The following TAFA2 variants were observed in gnomAD, a reference collection of about 807,000 sequenced individuals.
TAFA2 encodes TAFA chemokine like family member 2, also known as chemokine-like protein TAFA-2.
In TAFA2, 7 loss-of-function variants were observed where a neutral mutation model predicts 18.8. That is an observed-to-expected ratio of 0.37 (90% CI 0.21 to 0.70). The LOEUF is 0.70. Among genes scored for constraint, TAFA2 ranks in the 30% least tolerant of loss-of-function variants. The pLI, the probability that TAFA2 is intolerant of heterozygous loss-of-function variation, is 0.53. For missense variants in TAFA2, 122 were observed against 158.1 expected (o/e 0.77, Z 1.23); for synonymous variants, 60 against 54.2 (o/e 1.11, Z -0.47).
intron 4 of TAFA2, among the ~76,000 whole-genome samples, chr12:61,711,116 C>A (rs1869386068): frequency 6.6e-6 from 1 of 151,930 alleles, no homozygotes; most frequent in Non-Finnish European, 1.5e-5. Context: ...ATACTAACTT[C>A]ACACCTACTA....
chr12:61,899,112 T>C (rs1296452552), intron 1 of TAFA2, among the ~76,000 whole-genome samples: 1 of 152,186 alleles, frequency 6.6e-6, no homozygotes, highest in Admixed American at 6.5e-5. Context: ...CTGGACTTCA[T>C]TGTCCATACC....
intron 1 of TAFA2, among the ~76,000 whole-genome samples, chr12:62,175,040 T>C (rs538890543): frequency 1.3e-5 from 2 of 152,286 alleles, no homozygotes; most frequent in East Asian, 1.9e-4. Context: ...AATTAATAAG[T>C]GTATTGATGA....
chr12:61,872,610 A>T (rs991903640), intron 1 of TAFA2, among the ~76,000 whole-genome samples: 31 of 152,234 alleles, frequency 2.0e-4, no homozygotes, highest in Admixed American at 2.0e-3. Context: ...AAAAAAACCA[A>T]CATCATCTTC....
At chr12:62,239,744 A>G (rs552116471) in intron 1 of TAFA2, among the ~76,000 whole-genome samples, 5 of 152,304 alleles carry the variant, frequency 3.3e-5, no homozygotes, top group Admixed American at 3.3e-4. Flanking sequence ...TAACCATCAG[A>G]TATGTGACCG....
intron 2 of TAFA2, among the ~76,000 whole-genome samples, chr12:61,812,011 T>G (rs1319294150): frequency 6.6e-6 from 1 of 151,288 alleles, no homozygotes; most frequent in Non-Finnish European, 1.5e-5. Flanking sequence ...CTATGTGGTA[T>G]ATTGTAAGAG....
At position 62,091,193 on chromosome 12, in the gene TAFA2, A is replaced by G. The variant is rs972738690; in HGVS notation, c.-2+100066T>C. 2.0e-5 allele frequency among the ~76,000 whole-genome samples: 3 copies of G among 151,946 alleles called. No individual in the cohort carries two copies. In the East Asian group the frequency reaches 5.8e-4, roughly 29 times the overall value. ...TTCATCTAAGTAGTTGTCTGCAGCC[A>G]TTCCAGTCCACAGTGAATTTTTTCT... On this transcript the variant is annotated intron_variant, in intron 1 of 4. Transcript: ENST00000416284.
chr12:62,058,907 T>A (rs1303525790), intron 1 of TAFA2, among the ~76,000 whole-genome samples: 1 of 152,044 alleles, frequency 6.6e-6, no homozygotes, highest in Non-Finnish European at 1.5e-5. Flanking sequence ...ATCGAGACTA[T>A]CCTGGCTAAC....
At chr12:61,817,521 C>T (rs1004832144) in intron 2 of TAFA2, among the ~76,000 whole-genome samples, 23 of 152,038 alleles carry the variant, frequency 1.5e-4, no homozygotes, top group Non-Finnish European at 3.2e-4. Context: ...TGATCAATTC[C>T]TAGACAAGAA....
intron 2 of TAFA2, among the ~76,000 whole-genome samples, chr12:61,803,426 T>A (rs552752577): frequency 6.6e-6 from 1 of 152,030 alleles, no homozygotes; most frequent in African/African-American, 2.4e-5. Flanking sequence ...TTATCCAGAT[T>A]CTCTAACCAA....
chr12:61,855,549 T>G (rs1394135582), intron 2 of TAFA2, among the ~76,000 whole-genome samples: 1 of 152,196 alleles, frequency 6.6e-6, no homozygotes, highest in Non-Finnish European at 1.5e-5. Flanking sequence ...ATATGCTCTT[T>G]ATTTAACATG....
intron 1 of TAFA2, chr12:62,252,604 A>G (rs1002335868): frequency 1.3e-5 from 2 of 152,186 alleles, no homozygotes; most frequent in Admixed American, 1.3e-4. Context: ...GGAACACAGC[A>G]ACATATGCTG....
At chr12:62,101,705 C>T (rs1262641286) in intron 1 of TAFA2, among the ~76,000 whole-genome samples, 1 of 152,168 alleles carries the variant, frequency 6.6e-6, no homozygotes, top group Non-Finnish European at 1.5e-5. Context: ...TTTGAGAGCC[C>T]TTTCATTTAT....
intron 1 of TAFA2, among the ~76,000 whole-genome samples, chr12:62,227,414 G>A (rs889239539): frequency 6.6e-6 from 1 of 152,156 alleles, no homozygotes; most frequent in Non-Finnish European, 1.5e-5. Context: ...TCTGGCAGAA[G>A]GGTATTTGTC....
rs530201864 is a variant in TAFA2, at chr12:61,854,117, A to G, written c.106+13203T>C. Among the ~76,000 whole-genome samples, 3 of 152,342 alleles carry G rather than the reference A, an allele frequency of 2.0e-5. No homozygotes were observed. The East Asian group carries it at 5.8e-4, about 29-fold the overall frequency. ...CAATTATTTGAGGAAAGCTTCTAGT[A>G]TAGAAGACAGAAGCCAAAATAGCAA... On this transcript the variant is annotated intron_variant, in intron 2 of 4. Transcript: ENST00000416284.
chr12:61,710,239 A>T lies in TAFA2; in HGVS notation c.*167T>A. 1.6e-6 allele frequency: 1 copy of T among 614,602 alleles called. No individual in the cohort carries two copies. Among genetic ancestry groups the T allele is most frequent in the Non-Finnish European group, 2.9e-6 (1 of 344,744 alleles). The allele number at this position is 614,602 out of a possible 1,614,324, so 38.1% of individuals were successfully genotyped here. A position where few individuals can be genotyped will look rare whatever the true frequency, so the allele number is the denominator to read the frequency against. ...ACATGCAAGTTCATGTCTGACTTTT[A>T]AAAAGTCTTGATTTCAAGAAGAGGC... is the stretch of plus-strand genomic sequence containing the variant. On this transcript the variant is annotated 3_prime_UTR_variant, in exon 5 of 5. Transcript: ENST00000416284.
At chr12:61,946,311 AT>A (rs1878267625) in intron 1 of TAFA2, among the ~76,000 whole-genome samples, 1 of 150,020 alleles carries the variant, frequency 6.7e-6, no homozygotes, top group Non-Finnish European at 1.5e-5. Flanking sequence ...TCAATTCAAG[AT>A]GGATTAAAGA....
intron 1 of TAFA2, among the ~76,000 whole-genome samples, chr12:61,907,248 C>A (rs1041663092): frequency 1.3e-5 from 2 of 152,176 alleles, no homozygotes; most frequent in African/African-American, 4.8e-5. Flanking sequence ...GACTGGAGGC[C>A]TGGGAGAAAA....
chr12:61,897,188 A>G (rs968900765), intron 1 of TAFA2, among the ~76,000 whole-genome samples: 1 of 152,204 alleles, frequency 6.6e-6, no homozygotes, highest in Non-Finnish European at 1.5e-5. Context: ...TTTAGGACCC[A>G]TGTAGAGTGG....
rs1194998983 is a variant in TAFA2 at position 62,021,558 on chromosome 12, G to A, written c.-1-154132C>T. 1.0e-5 allele frequency: 8 copies of A among 777,146 alleles called. No individual in the cohort carries two copies. In the African/African-American group the frequency reaches 1.4e-4, roughly 13 times the overall value. 48.1% of individuals were successfully genotyped at this position (777,146 alleles called of 1,614,324 possible). ...CAGACTCCAGAATACAGCTGCCAAG[G>A]AGACCCTGTTACGCTGTGGGGACTG... On this transcript the variant is annotated intron_variant, in intron 1 of 4. Coordinates refer to ENST00000416284, the MANE Select transcript of TAFA2 (RefSeq NM_178539.5).
Sources: gnomAD v4.1 joint callset for allele counts (sites outside exome capture counted in the v4.1 genomes callset) on GRCh38, gnomAD v4.1.1 for gene constraint, MANE v1.5 for transcripts, NCBI Gene and HGNC (gene_info 2026-07-23, HGNC 2026-07-21) for gene names.